HOXA3: variants seen among roughly 807,000 people sequenced by gnomAD.
HOXA3 encodes the protein homeobox A3.
A neutral mutation model predicts 30.3 loss-of-function variants in HOXA3; 8 were observed. The observed-to-expected ratio is 0.26, with a 90% CI of 0.15 to 0.48. HOXA3 has a LOEUF of 0.48. Among genes scored for constraint, HOXA3 ranks in the 20% least tolerant of loss-of-function variants. The pLI is 0.99. For synonymous variants in HOXA3, 323 were observed against 273.1 expected (o/e 1.18, Z -1.80); for missense variants, 653 against 614.4 (o/e 1.06, Z -0.66).
intron 1 of HOXA3, chr7:27,143,314 G>C (rs1456989170): frequency 1.3e-6 from 2 of 1,599,258 alleles, no homozygotes; most frequent in Non-Finnish European, 1.7e-6. Context: ...GCAGCGGATC[G>C]GGCTGAGGAG....
intron 1 of HOXA3, chr7:27,141,433 A>ACTCCACTTC (rs1451495006): frequency 1.8e-5 from 3 of 170,706 alleles, no homozygotes; most frequent in African/African-American, 7.2e-5. Flanking sequence ...AGCTATTGAG[A>ACTCCACTTC]CAGGAACACT....
At chr7:27,130,193 C>T (rs1785466027) in intron 2 of HOXA3, 4 of 1,575,242 alleles carry the variant, frequency 2.5e-6, no homozygotes, top group African/African-American at 2.7e-5. Flanking sequence ...GGGCTCTTGT[C>T]GGCCAAGAGC....
chr7:27,149,101 C>T (rs1782883930), intron 1 of HOXA3, among the ~76,000 whole-genome samples: 1 of 152,242 alleles, frequency 6.6e-6, no homozygotes, highest in Non-Finnish European at 1.5e-5. Context: ...CCAGACAGGA[C>T]ATTAAAAGCC....
chr7:27,145,438 G>T, intron 1 of HOXA3: 2 of 657,012 alleles, frequency 3.0e-6, no homozygotes, highest in Non-Finnish European at 5.1e-6. Flanking sequence ...GGTATTGGCT[G>T]TGTGTGAGGT....
At chr7:27,130,851 T>TC in intron 2 of HOXA3, 1 of 866,478 alleles carries the variant, frequency 1.2e-6, no homozygotes, top group Non-Finnish European at 1.7e-6. Context: ...GCCCTTCCCC[T>TC]CCCCCCGCTG....
intron 4 of HOXA3, among the ~76,000 whole-genome samples, chr7:27,111,377 C>T (rs1784364634): frequency 6.6e-6 from 1 of 152,152 alleles, no homozygotes; most frequent in African/African-American, 2.4e-5. Flanking sequence ...AGAAGCTGAG[C>T]TTGTTAGGAA....
intron 2 of HOXA3, among the ~76,000 whole-genome samples, chr7:27,133,677 G>A (rs1785630657): frequency 6.6e-6 from 1 of 152,218 alleles, no homozygotes; most frequent in African/African-American, 2.4e-5. Flanking sequence ...GAGGGAGGGT[G>A]CAAGGGAGGC....
intron 2 of HOXA3, chr7:27,129,927 CA>C: frequency 1.5e-6 from 1 of 653,414 alleles, no homozygotes; most frequent in Non-Finnish European, 2.6e-6. Flanking sequence ...ACCCTGGGTA[CA>C]AAAGGGTTCT....
In HOXA3 at chr7:27,110,688, C is replaced by T; in HGVS notation, c.-48G>A. 6.3e-7 allele frequency: 1 copy of T among 1,585,998 alleles called. No homozygotes were observed. Among genetic ancestry groups the T allele is most frequent in the Non-Finnish European group, 8.6e-7 (1 of 1,158,332 alleles). On this transcript the variant is annotated 5_prime_UTR_variant, in exon 5 of 6. The change creates a new upstream start codon in the 5' untranslated region. Coordinates refer to ENST00000612286, the MANE Select transcript of HOXA3 (RefSeq NM_153631.3). ...CGCACACTCTGACAGGGGTTTGACA[C>T]CCGTGAGGGCGCACATTGGCACGCC...
chr7:27,125,801 G>A (rs997817292), intron 3 of HOXA3, among the ~76,000 whole-genome samples: 3 of 152,192 alleles, frequency 2.0e-5, no homozygotes, highest in African/African-American at 7.2e-5. Context: ...ATTCTAAAGA[G>A]TCATTGATCT....
intron 4 of HOXA3, among the ~76,000 whole-genome samples, chr7:27,117,723 G>A (rs189287895): frequency 4.3e-4 from 65 of 152,170 alleles, no homozygotes; most frequent in Admixed American, 1.4e-3. Flanking sequence ...TGAAAACACC[G>A]CCATCCTGGG....
intron 1 of HOXA3, among the ~76,000 whole-genome samples, chr7:27,142,443 G>A (rs530857249): frequency 1.1e-4 from 17 of 152,226 alleles, no homozygotes; most frequent in African/African-American, 3.6e-4. Context: ...TTTCCTGAGC[G>A]CCCAAGTGGC....
At chr7:27,111,053 A>T (rs938264224) in intron 4 of HOXA3, among the ~76,000 whole-genome samples, 2 of 152,170 alleles carry the variant, frequency 1.3e-5, no homozygotes, top group African/African-American at 4.8e-5. Context: ...AAGGCTTGAT[A>T]GGCTAGAAAG....
chr7:27,133,015 T>C (rs1458341473), intron 2 of HOXA3, among the ~76,000 whole-genome samples: 5 of 152,248 alleles, frequency 3.3e-5, no homozygotes, highest in Admixed American at 3.3e-4. Context: ...TTGTATACGG[T>C]TAACCCAAAC....
intron 2 of HOXA3, among the ~76,000 whole-genome samples, chr7:27,136,886 G>A (rs1051414482): frequency 1.3e-5 from 2 of 152,162 alleles, no homozygotes; most frequent in African/African-American, 4.8e-5. Context: ...TCCCCTACTT[G>A]GGTGGGAGCT....
intron 1 of HOXA3, among the ~76,000 whole-genome samples, chr7:27,144,945 G>C (rs1782697775): frequency 6.6e-6 from 1 of 152,182 alleles, no homozygotes; most frequent in Non-Finnish European, 1.5e-5. Flanking sequence ...GGCTGGGAGC[G>C]GGAATCCGGA....
chr7:27,124,592 T>C (rs1445257035), intron 3 of HOXA3: 1 of 152,190 alleles, frequency 6.6e-6, no homozygotes. Flanking sequence ...TGAGGGTGTG[T>C]GTTTTTAAAA....
intron 1 of HOXA3, chr7:27,141,810 C>T (rs1404095484): frequency 6.2e-7 from 1 of 1,611,480 alleles, no homozygotes; most frequent in Non-Finnish European, 8.5e-7. Flanking sequence ...GCTAATACTG[C>T]TCAGTACTTT....
At chr7:27,127,761 A>G (rs1183009298) in intron 2 of HOXA3, among the ~76,000 whole-genome samples, 1 of 152,212 alleles carries the variant, frequency 6.6e-6, no homozygotes, top group African/African-American at 2.4e-5. Flanking sequence ...GAAAATTCAC[A>G]AAGCATTTGA....
Sources: gnomAD v4.1 joint callset for allele counts (sites outside exome capture counted in the v4.1 genomes callset) on GRCh38, gnomAD v4.1.1 for gene constraint, MANE v1.5 for transcripts, NCBI Gene and HGNC (gene_info 2026-07-23, HGNC 2026-07-21) for gene names.